BTBD9: variants seen among roughly 807,000 people sequenced by gnomAD.
BTBD9 encodes the protein BTB domain containing 9.
In BTBD9, 49 loss-of-function variants were observed where a neutral mutation model predicts 64.3. The observed-to-expected ratio is 0.76, with a 90% CI of 0.61 to 0.97. The LOEUF (loss-of-function observed/expected upper bound fraction) is 0.97, where lower values mean the gene tolerates loss of function less well. Among genes scored for constraint, BTBD9 ranks in the 50% least tolerant of loss-of-function variants. BTBD9 has a pLI of 0.00. For missense variants in BTBD9, 598 were observed against 762.1 expected, an observed-to-expected ratio of 0.78 and a Z score of 2.53; for synonymous variants, 260 against 274.7, an observed-to-expected ratio of 0.95 and a Z score of 0.53.
At chr6:38,464,331 T>G (rs71544422) in intron 6 of BTBD9, among the ~76,000 whole-genome samples, 16,617 of 151,966 alleles carry the variant, frequency 0.11, 953 homozygotes, top group African/African-American at 0.14. Context: ...TTTGTTAATT[T>G]ACTAAGTGAC....
chr6:38,213,705 G>A (rs1401170262), intron 9 of BTBD9, among the ~76,000 whole-genome samples: 1 of 152,160 alleles, frequency 6.6e-6, no homozygotes, highest in Non-Finnish European at 1.5e-5. Context: ...ATCATGGCTG[G>A]GCGTGGTGGC....
chr6:38,507,610 C>T (rs781463723), intron 6 of BTBD9, among the ~76,000 whole-genome samples: 11 of 152,298 alleles, frequency 7.2e-5, no homozygotes. Context: ...CTCTTTCCTT[C>T]TCAAAAAGTT....
At chr6:38,266,654 GAAAGAAAGAAA>G (rs1765011173) in intron 8 of BTBD9, among the ~76,000 whole-genome samples, 1 of 108,876 alleles carries the variant, frequency 9.2e-6, no homozygotes, top group African/African-American at 4.4e-5. Flanking sequence ...AAGAAAGAAA[GAAAGAAAGAAA>G]GAAAGAAAGA....
intron 9 of BTBD9, among the ~76,000 whole-genome samples, chr6:38,196,744 G>T (rs1762284565): frequency 6.6e-6 from 1 of 152,164 alleles, no homozygotes; most frequent in African/African-American, 2.4e-5. Flanking sequence ...CAGTACAGTG[G>T]TCCCAACTTA....
At chr6:38,632,517 G>A (rs1215821041) in intron 1 of BTBD9, among the ~76,000 whole-genome samples, 1 of 152,222 alleles carries the variant, frequency 6.6e-6, no homozygotes, top group African/African-American at 2.4e-5. Context: ...ATTGTTTGGG[G>A]TGAAGTTTTA....
At chr6:38,176,705 C>T (rs1214169293) in intron 10 of BTBD9, among the ~76,000 whole-genome samples, 2 of 152,088 alleles carry the variant, frequency 1.3e-5, no homozygotes, top group African/African-American at 4.8e-5. Context: ...TTTGGGCCAT[C>T]AGCTCTGCCC....
At chr6:38,339,498 A>G (rs2127586867) in intron 7 of BTBD9, among the ~76,000 whole-genome samples, 1 of 152,290 alleles carries the variant, frequency 6.6e-6, no homozygotes, top group South Asian at 2.1e-4. Flanking sequence ...TAAAAGAAAA[A>G]GAAGCACAGT....
At chr6:38,198,414 C>T (rs1039886662) in intron 9 of BTBD9, among the ~76,000 whole-genome samples, 3 of 152,092 alleles carry the variant, frequency 2.0e-5, no homozygotes, top group Admixed American at 1.3e-4. Flanking sequence ...GGAGGGTTTG[C>T]GTGAGTGGCT....
rs11756301 is a variant in BTBD9 at position 38,174,540 on chromosome 6, C to T, written c.*445G>A. Reference sequence around the variant, plus strand: ...ATAAAAAATCATTTAGTTGCCAGGGCAATGTATTCCAGCAGAATGAACACT... The same window carrying T: ...ATAAAAAATCATTTAGTTGCCAGGGTAATGTATTCCAGCAGAATGAACACT... On this transcript the variant is annotated 3_prime_UTR_variant, in exon 11 of 11. Transcript: ENST00000481247. The T allele has an allele frequency of 0.095, 15,800 of 166,784 alleles. 840 individuals carry two copies. The highest frequency in any genetic ancestry group is 0.11 in the Non-Finnish European group (8,718 of 78,214). 10.3% of individuals were successfully genotyped at this position (166,784 alleles called of 1,614,324 possible). A position where few individuals can be genotyped will look rare whatever the true frequency, so the allele number is the denominator to read the frequency against.
intron 6 of BTBD9, among the ~76,000 whole-genome samples, chr6:38,542,663 C>G (rs1365064707): frequency 6.6e-6 from 1 of 152,132 alleles, no homozygotes; most frequent in African/African-American, 2.4e-5. Flanking sequence ...ACAAAACACT[C>G]TAGATTCCTT....
In BTBD9 at chr6:38,217,699, CT is replaced by C. The variant is rs1008904351; in HGVS notation, c.1563-25103del. On this transcript the variant is annotated intron_variant, in intron 9 of 10. Transcript: ENST00000481247. ...AAACATTATTATTTTTTTCTTTTTT[CT>C]TTTTTTTTTTTTAACTGAGAGAGAC... Among the ~76,000 whole-genome samples, 676 of 140,382 alleles carry C rather than the reference CT, an allele frequency of 4.8e-3. 5 individuals carry two copies. Among genetic ancestry groups the C allele is most frequent in the African/African-American group, 0.016 (587 of 36,266 alleles). The allele number at this position is 140,382 out of a possible 152,430, so 92.1% of individuals were successfully genotyped here.
intron 6 of BTBD9, among the ~76,000 whole-genome samples, chr6:38,545,863 C>T (rs1448395944): frequency 3.6e-4 from 26 of 72,818 alleles, no homozygotes; most frequent in Admixed American, 9.5e-4. Context: ...CATACACACA[C>T]ACACACACAC....
intron 6 of BTBD9, among the ~76,000 whole-genome samples, chr6:38,465,164 G>C (rs2127357981): frequency 6.6e-6 from 1 of 152,058 alleles, no homozygotes; most frequent in South Asian, 2.1e-4. Flanking sequence ...GTATGGTGGT[G>C]TGTGCCTGTA....
chr6:38,219,353 A>G (rs1018853542), intron 9 of BTBD9, among the ~76,000 whole-genome samples: 2 of 149,446 alleles, frequency 1.3e-5, no homozygotes, highest in Non-Finnish European at 3.0e-5. Context: ...CATGTTGGCC[A>G]GGATGGTCTC....
chr6:38,256,260 A>G (rs1034510943), intron 9 of BTBD9, 149 bp downstream of exon 9: 8 of 605,656 alleles, frequency 1.3e-5, no homozygotes, highest in Non-Finnish European at 2.0e-5. Flanking sequence ...TTTAATAGTC[A>G]AAACTGAAGA....
At chr6:38,453,608 G>C (rs763955514) in intron 6 of BTBD9, among the ~76,000 whole-genome samples, 2 of 152,010 alleles carry the variant, frequency 1.3e-5, no homozygotes, top group Non-Finnish European at 2.9e-5. Flanking sequence ...TGATATAGTT[G>C]AGGGTGTAGC....
chr6:38,178,691 G>A (rs1358829265), intron 10 of BTBD9, among the ~76,000 whole-genome samples: 1 of 139,466 alleles, frequency 7.2e-6, no homozygotes, highest in Non-Finnish European at 1.5e-5. Context: ...AACTACACAG[G>A]TTCTCAAGCC....
Position 38,174,634 on chromosome 6 carries a change from GTGTT to G in BTBD9, c.*347_*350del, listed in dbSNP as rs1300794390. 7 of 257,748 alleles carry G rather than the reference GTGTT, an allele frequency of 2.7e-5. No individual in the cohort carries two copies. Among genetic ancestry groups the G allele is most frequent in the African/African-American group, 1.3e-4 (6 of 45,876 alleles). 16.0% of individuals were successfully genotyped at this position (257,748 alleles called of 1,614,324 possible). On this transcript the variant is annotated 3_prime_UTR_variant, in exon 11 of 11. Transcript: ENST00000481247. Reference sequence around the variant, plus strand: ...CCCAATGGCTTTCTCCTCCGCCTGAGTGTTTGCGTGCCATTTTTGTATTCCAACA... The same window carrying G: ...CCCAATGGCTTTCTCCTCCGCCTGAGTGCGTGCCATTTTTGTATTCCAACA...
Position 38,564,721 on chromosome 6 carries a change from T to C in BTBD9, c.1154+12879A>G. Among the ~76,000 whole-genome samples, 2 of 151,990 alleles carry C rather than the reference T, an allele frequency of 1.3e-5. 1 individual carries two copies. Among genetic ancestry groups the C allele is most frequent in the East Asian group, 3.9e-4 (2 of 5,188 alleles). ...GGCTAACATGGTGAAACCCCATCTC[T>C]ACTAAAAATACAAAAACAAAATTAG... On this transcript the variant is annotated intron_variant, in intron 6 of 10. Coordinates refer to ENST00000481247, the MANE Select transcript of BTBD9 (RefSeq NM_001099272.2).
Sources: allele counts gnomAD v4.1 joint callset (sites outside exome capture counted in the v4.1 genomes callset), GRCh38; gene constraint gnomAD v4.1.1; transcripts MANE v1.5; gene names NCBI Gene and HGNC (gene_info 2026-07-23, HGNC 2026-07-21).